GDPD5: variants seen among roughly 807,000 people sequenced by gnomAD.
GDPD5 encodes the protein glycerophosphodiester phosphodiesterase domain containing 5, also known as glycerophosphodiester phosphodiesterase 2.
In GDPD5, 48 loss-of-function variants were observed where a neutral mutation model predicts 75.1. The ratio of observed to expected loss-of-function variants is 0.64; its 90% CI spans 0.51 to 0.81. The LOEUF (loss-of-function observed/expected upper bound fraction) is 0.81. Ranked by LOEUF, GDPD5 falls within the 40% of genes least tolerant of loss-of-function variation. The pLI, the probability that GDPD5 is intolerant of heterozygous loss-of-function variation, is 0.00. For missense variants in GDPD5, 706 were observed against 822.6 expected (o/e 0.86, Z 1.73); for synonymous variants, 336 against 339.0 (o/e 0.99, Z 0.10).
At chr11:75,480,927 G>C (rs1949900963) in intron 2 of GDPD5, among the ~76,000 whole-genome samples, 1 of 152,216 alleles carries the variant, frequency 6.6e-6, no homozygotes, top group Admixed American at 6.5e-5. Context: ...ATTGTCTACG[G>C]CTGTTTTAAC....
At chr11:75,465,119 T>G (rs1474093000) in intron 3 of GDPD5, among the ~76,000 whole-genome samples, 2 of 152,210 alleles carry the variant, frequency 1.3e-5, no homozygotes, top group African/African-American at 4.8e-5. Flanking sequence ...GTCTTTAGAC[T>G]GACACCCATC....
At chr11:75,461,391 C>A (rs1223679956) in intron 4 of GDPD5, among the ~76,000 whole-genome samples, 1 of 152,196 alleles carries the variant, frequency 6.6e-6, no homozygotes, top group African/African-American at 2.4e-5. Context: ...TGCTTGGCTG[C>A]CGCAGGGCAG....
intron 15 of GDPD5, chr11:75,439,401 G>A (rs929828107): frequency 6.6e-6 from 3 of 455,852 alleles, no homozygotes; most frequent in African/African-American, 4.0e-5. Context: ...GGGGAGAGAG[G>A]AGGGACATGC....
chr11:75,524,766 T>G (rs1326214548), intron 1 of GDPD5, among the ~76,000 whole-genome samples: 4 of 152,160 alleles, frequency 2.6e-5, no homozygotes, highest in Non-Finnish European at 2.9e-5. Flanking sequence ...CCCTCAACTC[T>G]GAGTCACCTT....
intron 1 of GDPD5, among the ~76,000 whole-genome samples, chr11:75,512,525 T>C (rs1054591204): frequency 1.3e-5 from 2 of 152,182 alleles, no homozygotes; most frequent in African/African-American, 2.4e-5. Flanking sequence ...AACCCGTCCA[T>C]GTTGCCATTG....
chr11:75,477,214 C>T (rs554176319), intron 3 of GDPD5, among the ~76,000 whole-genome samples: 2 of 152,258 alleles, frequency 1.3e-5, no homozygotes, highest in South Asian at 4.1e-4. Context: ...GGTGCCAGAC[C>T]GTGGCCCTGC....
At chr11:75,442,735 GGCCCCA>G in intron 11 of GDPD5, 154 bp from the exon 12 acceptor site, 1 of 673,944 alleles carries the variant, frequency 1.5e-6, no homozygotes, top group Non-Finnish European at 2.5e-6. Flanking sequence ...GGCTGTAGGA[GGCCCCA>G]GCCCTAACCT....
intron 9 of GDPD5, among the ~76,000 whole-genome samples, chr11:75,446,976 C>T (rs1483870906): frequency 2.0e-5 from 3 of 152,046 alleles, no homozygotes; most frequent in Non-Finnish European, 2.9e-5. Context: ...CTCCGCCTCC[C>T]GGATTCAAGC....
At chr11:75,455,684 G>A (rs1222552781) in intron 6 of GDPD5, among the ~76,000 whole-genome samples, 4 of 152,234 alleles carry the variant, frequency 2.6e-5, no homozygotes, top group Non-Finnish European at 5.9e-5. Flanking sequence ...GGCCCACGGG[G>A]AGCCAGGCTC....
At position 75,512,590 on chromosome 11, in the gene GDPD5, T is replaced by TA. The variant is rs1338261559; in HGVS notation, c.-145+12619dup. ...TGCAAAGGTTTCCAACCAAAACTGT[T>TA]AGAGTTGTTTTTAATGGGATAGAGA... On this transcript the variant is annotated intron_variant, in intron 1 of 16. Transcript: ENST00000336898. Among the ~76,000 whole-genome samples, 6 of 152,116 alleles carry TA rather than the reference T, an allele frequency of 3.9e-5. No individual in the cohort carries two copies. The South Asian group carries it at 8.3e-4, about 21-fold the overall frequency.
intron 3 of GDPD5, among the ~76,000 whole-genome samples, chr11:75,471,635 T>A (rs1949667008): frequency 6.6e-6 from 1 of 152,084 alleles, no homozygotes; most frequent in Admixed American, 6.5e-5. Flanking sequence ...CGTCACAGGG[T>A]GGGTGGTGAT....
chr11:75,504,614 C>T (rs1444099651), intron 1 of GDPD5, among the ~76,000 whole-genome samples: 3 of 152,090 alleles, frequency 2.0e-5, no homozygotes, highest in African/African-American at 7.2e-5. Flanking sequence ...TAGTCAAACT[C>T]AGAAACAGAA....
chr11:75,463,553 C>T (rs549593502), intron 3 of GDPD5, among the ~76,000 whole-genome samples: 6 of 152,142 alleles, frequency 3.9e-5, no homozygotes, highest in Non-Finnish European at 7.3e-5. Context: ...TGCTTTCATC[C>T]GTCCCCTTAT....
At chr11:75,461,427 T>C (rs1260778750) in intron 4 of GDPD5, among the ~76,000 whole-genome samples, 2 of 152,190 alleles carry the variant, frequency 1.3e-5, no homozygotes, top group South Asian at 2.1e-4. Flanking sequence ...ATATTCTTGA[T>C]TGTGCTCATT....
intron 2 of GDPD5, among the ~76,000 whole-genome samples, chr11:75,481,154 C>T (rs1306642348): frequency 2.0e-5 from 3 of 152,172 alleles, no homozygotes; most frequent in Non-Finnish European, 4.4e-5. Flanking sequence ...AGTATGCTCC[C>T]TGGAGTCAGC....
chr11:75,511,418 C>T (rs1950516771), intron 1 of GDPD5, among the ~76,000 whole-genome samples: 2 of 152,212 alleles, frequency 1.3e-5, no homozygotes, highest in African/African-American at 4.8e-5. Context: ...TGGCTGCACA[C>T]TCTGCCACCC....
intron 3 of GDPD5, among the ~76,000 whole-genome samples, chr11:75,475,825 AC>A (rs995956835): frequency 6.6e-6 from 1 of 151,774 alleles, no homozygotes; most frequent in African/African-American, 2.4e-5. Context: ...TTGGCCCCAG[AC>A]CCCTGCCTCA....
chr11:75,441,413 C>T (rs1215852397), intron 13 of GDPD5, 103 bp from the exon 14 acceptor site: 1 of 1,442,608 alleles, frequency 6.9e-7, no homozygotes, highest in Non-Finnish European at 9.6e-7. Context: ...CACAGCCATG[C>T]CCGGGGCAAG....
chr11:75,505,749 A>C (rs566507856), intron 1 of GDPD5, among the ~76,000 whole-genome samples: 1 of 152,308 alleles, frequency 6.6e-6, no homozygotes, highest in South Asian at 2.1e-4. Context: ...AACTTAACCA[A>C]CATGTGCCTG....
Sources: allele counts gnomAD v4.1 joint callset (sites outside exome capture counted in the v4.1 genomes callset), GRCh38; gene constraint gnomAD v4.1.1; transcripts MANE v1.5; gene names NCBI Gene and HGNC (gene_info 2026-07-23, HGNC 2026-07-21).